Variants in FRMD4B observed in about 807,000 individuals in gnomAD.
FRMD4B encodes FERM domain containing 4B, also known as FERM domain-containing protein 4B.
A neutral mutation model predicts 141.5 loss-of-function variants in FRMD4B; 74 were observed. The observed-to-expected ratio is 0.52, with a 90% CI of 0.43 to 0.63. The LOEUF (loss-of-function observed/expected upper bound fraction) is 0.63, where lower values mean the gene tolerates loss of function less well. FRMD4B is among the 30% of genes least tolerant of loss of function. The pLI is 0.00. For missense variants in FRMD4B, 1,366 were observed against 1,253.4 expected (o/e 1.09, Z -1.36); for synonymous variants, 506 against 467.9 (o/e 1.08, Z -1.05).
Position 69,171,928 on chromosome 3 carries a change from T to A in FRMD4B, c.3038A>T (p.Asp1013Val), listed in dbSNP as rs375814018. Residue 1013 changes from aspartate (D) to valine (V), a missense_variant, in exon 23 of 23, where the codon GAC becomes GTC. Transcript: ENST00000398540. ...LDGTDGNQLE[D>V]NLESSEQRLF... ...TCTCTGCTCACTACTCTCCAGGTTG[T>A]CTTCCAGCTGGTTTCCATCTGTACC... is the stretch of plus-strand genomic sequence containing the variant. 9.5e-5 allele frequency: 153 copies of A among 1,612,564 alleles called. No individual in the cohort carries two copies. The highest frequency in any genetic ancestry group is 5.0e-4 in the Admixed American group (30 of 60,004).
chr3:69,253,287 T>A (rs2093475043), intron 5 of FRMD4B, among the ~76,000 whole-genome samples: 2 of 151,002 alleles, frequency 1.3e-5, no homozygotes, highest in South Asian at 4.2e-4. Flanking sequence ...GGACTCCCTG[T>A]CCAGTGCTCT....
chr3:69,171,929 C>G lies in FRMD4B; in HGVS notation c.3037G>C (p.Asp1013His). The stretch of plus-strand genomic sequence containing the variant: ...CTCTGCTCACTACTCTCCAGGTTGT[C>G]TTCCAGCTGGTTTCCATCTGTACCA... ...LDGTDGNQLE[D>H]NLESSEQRLF... Residue 1013 changes from aspartate to histidine, a missense_variant, in exon 23 of 23, where the codon GAC (aspartate) becomes CAC (histidine). Coordinates refer to ENST00000398540, the MANE Select transcript of FRMD4B (RefSeq NM_015123.3). 6.2e-7 allele frequency: 1 copy of G among 1,612,774 alleles called. No homozygotes were observed. The highest frequency in any genetic ancestry group is 8.5e-7 in the Non-Finnish European group (1 of 1,178,770).
At chr3:69,336,147 A>G (rs1199362279) in intron 1 of FRMD4B, among the ~76,000 whole-genome samples, 1 of 152,212 alleles carries the variant, frequency 6.6e-6, no homozygotes, top group Non-Finnish European at 1.5e-5. Context: ...AGTTTAAGAA[A>G]AAAAAGGCAA....
intron 11 of FRMD4B, among the ~76,000 whole-genome samples, chr3:69,216,047 G>A (rs150587068): frequency 0.022 from 3,331 of 152,156 alleles, 85 homozygotes; most frequent in African/African-American, 0.062. Flanking sequence ...CCAGCTACTT[G>A]GGAGGCTGAG....
intron 1 of FRMD4B, among the ~76,000 whole-genome samples, chr3:69,465,135 A>G (rs1021916365): frequency 1.3e-5 from 2 of 152,080 alleles, no homozygotes; most frequent in Non-Finnish European, 2.9e-5. Context: ...CCTGGCTAAC[A>G]TGGTGAAACC....
Position 69,262,996 on chromosome 3 carries a change from C to T in FRMD4B, c.502-12897G>A, listed in dbSNP as rs140654137. On this transcript the variant is annotated intron_variant, in intron 5 of 22. Transcript: ENST00000398540. ...ATTGTAGGCTGGGCACGGTGGCTCA[C>T]GCCTGTCATCCCAGCACTTTGGGAG... is the stretch of plus-strand genomic sequence containing the variant. 8.5e-3 allele frequency among the ~76,000 whole-genome samples: 1,290 copies of T among 152,122 alleles called. 22 individuals are homozygous for T. The highest frequency in any genetic ancestry group is 0.03 in the African/African-American group (1,228 of 41,528).
chr3:69,274,797 G>A (rs752607667), intron 5 of FRMD4B, among the ~76,000 whole-genome samples: 2 of 152,174 alleles, frequency 1.3e-5, no homozygotes, highest in African/African-American at 2.4e-5. Context: ...TGGATTACAG[G>A]CATGAGCCAC....
At chr3:69,172,481 A>T (rs2092598966) in intron 22 of FRMD4B, among the ~76,000 whole-genome samples, 1 of 152,188 alleles carries the variant, frequency 6.6e-6, no homozygotes, top group African/African-American at 2.4e-5. Flanking sequence ...TCTTCGGCCC[A>T]TGTCCATTTT....
intron 3 of FRMD4B, among the ~76,000 whole-genome samples, chr3:69,305,437 G>T (rs1313267067): frequency 6.6e-6 from 1 of 152,208 alleles, no homozygotes; most frequent in Admixed American, 6.5e-5. Context: ...GGAGACTGAC[G>T]TTAAGAGAGT....
chr3:69,401,233 T>A (rs1258684502), intron 2 of FRMD4B, among the ~76,000 whole-genome samples: 4 of 152,184 alleles, frequency 2.6e-5, no homozygotes, highest in Non-Finnish European at 4.4e-5. Context: ...ACATCCAAAT[T>A]AATTTCCTTC....
chr3:69,216,266 C>T lies in FRMD4B; in HGVS notation c.873G>A (p.Arg291=). 1 of 1,508,046 alleles carries T rather than the reference C, an allele frequency of 6.6e-7. No homozygotes were observed. Among genetic ancestry groups the T allele is most frequent in the Non-Finnish European group, 9.1e-7 (1 of 1,095,690 alleles). The allele number at this position is 1,508,046 out of a possible 1,614,324, so 93.4% of individuals were successfully genotyped here. Residue 291 remains arginine, a synonymous_variant, in exon 11 of 23, where the codon CGG becomes CGA. Transcript: ENST00000398540. ...QYDIQDKVKP[R]KLFQWKQLEN... ...TCCTAAAGTGATCCACACTTACCTT[C>T]CGAGGCTTCACCTTGTCTTGTATAT...
chr3:69,213,281 G>T lies in FRMD4B; in HGVS notation c.876+2982C>A, dbSNP rs140020919. ...TTGTCATGGAGGAAAAATGGGGATT[G>T]CAGAAGACTTCTTCCCCTAAAGCAT... On this transcript the variant is annotated intron_variant, in intron 11 of 22. Transcript: ENST00000398540. 3.3e-3 allele frequency among the ~76,000 whole-genome samples: 501 copies of T among 151,060 alleles called. 14 individuals are homozygous for T. In the East Asian group the frequency reaches 0.062, roughly 19 times the overall value.
At chr3:69,238,249 T>C (rs1432571395) in intron 7 of FRMD4B, among the ~76,000 whole-genome samples, 2 of 152,136 alleles carry the variant, frequency 1.3e-5, no homozygotes, top group African/African-American at 4.8e-5. Context: ...TAGGAAAAAA[T>C]CAAAAATACC....
chr3:69,286,324 C>A (rs2200249), intron 5 of FRMD4B, among the ~76,000 whole-genome samples: 27,335 of 152,158 alleles, frequency 0.18, 2,910 homozygotes, highest in East Asian at 0.37. Flanking sequence ...TCATGTGCAT[C>A]TGTAACTTAT....
intron 2 of FRMD4B, among the ~76,000 whole-genome samples, chr3:69,411,977 G>A (rs978400972): frequency 5.9e-5 from 9 of 152,220 alleles, no homozygotes; most frequent in African/African-American, 2.2e-4. Flanking sequence ...AATCTAGCTA[G>A]AAATTGCATT....
chr3:69,296,372 T>TGG (rs756624519), intron 4 of FRMD4B, among the ~76,000 whole-genome samples: 19,728 of 152,080 alleles, frequency 0.13, 2,012 homozygotes, highest in African/African-American at 0.29. Context: ...TGTAAGAAAC[T>TGG]AATATCATGA....
At chr3:69,333,876 C>T (rs1186752440) in intron 1 of FRMD4B, 1 of 152,054 alleles carries the variant, frequency 6.6e-6, no homozygotes, top group Non-Finnish European at 1.5e-5. Context: ...GTCAGATAAC[C>T]AAAACTTATG....
intron 12 of FRMD4B, chr3:69,197,777 A>G (rs2092923813): frequency 6.6e-6 from 1 of 152,502 alleles, no homozygotes; most frequent in Admixed American, 6.5e-5. Context: ...ATTTCCTCCC[A>G]TCCCTCTGGC....
chr3:69,401,376 A>G (rs1704561142), intron 2 of FRMD4B, among the ~76,000 whole-genome samples: 1 of 152,218 alleles, frequency 6.6e-6, no homozygotes, highest in Admixed American at 6.5e-5. Flanking sequence ...AATTGAATTT[A>G]CCTATTTTAT....
Sources: gnomAD v4.1 joint callset for allele counts (sites outside exome capture counted in the v4.1 genomes callset) on GRCh38, gnomAD v4.1.1 for gene constraint, MANE v1.5 for transcripts, NCBI Gene and HGNC (gene_info 2026-07-23, HGNC 2026-07-21) for gene names.